The following CSMD1 variants were observed in gnomAD, a reference collection of about 807,000 sequenced individuals.
The protein encoded by CSMD1 is CUB and Sushi multiple domains 1.
A neutral mutation model predicts 417.5 loss-of-function variants in CSMD1; 213 were observed. That is an observed-to-expected ratio of 0.51 (90% confidence interval 0.46 to 0.57). The LOEUF is 0.57. CSMD1 is among the 20% of genes least tolerant of loss of function. The pLI is 0.00. For synonymous variants in CSMD1, 2,862 were observed against 1,736.8 expected (o/e 1.65, Z -16.11); for missense variants, 6,923 against 4,529.7 (o/e 1.53, Z -15.17).
At chr8:4,445,911 G>C (rs1433333543) in intron 2 of CSMD1, among the ~76,000 whole-genome samples, 3 of 152,186 alleles carry the variant, frequency 2.0e-5, no homozygotes, top group African/African-American at 7.2e-5. Context: ...GCAGGGACGT[G>C]ACCTGGGCCT....
chr8:4,600,313 G>T (rs1005176861), intron 2 of CSMD1, among the ~76,000 whole-genome samples: 6 of 152,280 alleles, frequency 3.9e-5, no homozygotes, highest in African/African-American at 1.4e-4. Context: ...CAAATATAGA[G>T]ATGGGTAGAA....
At chr8:4,896,214 G>A (rs532230314) in intron 1 of CSMD1, among the ~76,000 whole-genome samples, 4 of 151,966 alleles carry the variant, frequency 2.6e-5, no homozygotes, top group African/African-American at 9.7e-5. Context: ...TGTCTTGTCA[G>A]TCTGGTTCTT....
At chr8:4,872,472 C>A (rs943791424) in intron 1 of CSMD1, among the ~76,000 whole-genome samples, 1 of 152,050 alleles carries the variant, frequency 6.6e-6, no homozygotes, top group South Asian at 2.1e-4. Flanking sequence ...TCACTCAGCA[C>A]TCCTTCCTGC....
intron 3 of CSMD1, among the ~76,000 whole-genome samples, chr8:4,042,814 T>TAAAAAAAAAAAA (rs1563355345): frequency 2.4e-4 from 5 of 21,016 alleles, no homozygotes; most frequent in African/African-American, 1.2e-3. Context: ...GTACAACATA[T>TAAAAAAAAAAAA]TAAAAAAAAA....
At chr8:3,240,272 G>A (rs565734329) in intron 26 of CSMD1, among the ~76,000 whole-genome samples, 1 of 152,264 alleles carries the variant, frequency 6.6e-6, no homozygotes, top group East Asian at 1.9e-4. Context: ...AGTCTCTAAA[G>A]CTGTCTTCAA....
intron 7 of CSMD1, among the ~76,000 whole-genome samples, chr8:3,634,460 G>A (rs749991125): frequency 6.6e-6 from 1 of 152,120 alleles, no homozygotes; most frequent in Non-Finnish European, 1.5e-5. Context: ...TAATGCTGTC[G>A]GCACAACTCT....
intron 10 of CSMD1, among the ~76,000 whole-genome samples, chr8:3,544,025 C>G (rs1002144625): frequency 5.3e-5 from 8 of 152,122 alleles, no homozygotes; most frequent in African/African-American, 1.7e-4. Context: ...GGTAATAAAA[C>G]AGTCTTCCAC....
At chr8:4,546,968 G>A (rs1156443103) in intron 2 of CSMD1, among the ~76,000 whole-genome samples, 1 of 152,062 alleles carries the variant, frequency 6.6e-6, no homozygotes. Flanking sequence ...TCACGTACAT[G>A]AAGTAGGCAT....
intron 3 of CSMD1, among the ~76,000 whole-genome samples, chr8:4,361,514 C>A (rs758112553): frequency 6.6e-6 from 1 of 152,122 alleles, no homozygotes; most frequent in Non-Finnish European, 1.5e-5. Flanking sequence ...CGGAGGCCTG[C>A]AAGATCAGGT....
intron 5 of CSMD1, among the ~76,000 whole-genome samples, chr8:3,964,545 GAAAT>G (rs2130012508): frequency 6.6e-6 from 1 of 152,232 alleles, no homozygotes; most frequent in East Asian, 1.9e-4. Context: ...GCACCACCAG[GAAAT>G]AAATACACTG....
intron 5 of CSMD1, among the ~76,000 whole-genome samples, chr8:3,844,412 A>G (rs1040370287): frequency 2.0e-5 from 3 of 152,204 alleles, no homozygotes; most frequent in Non-Finnish European, 4.4e-5. Flanking sequence ...TTGACAAAGA[A>G]TAATTCTAGA....
chr8:4,185,294 CTTTT>C (rs772383805), intron 3 of CSMD1, among the ~76,000 whole-genome samples: 7 of 151,960 alleles, frequency 4.6e-5, no homozygotes, highest in Non-Finnish European at 4.4e-5. Flanking sequence ...ATTGTTTAAT[CTTTT>C]TGTTTTAGGG....
At chr8:3,658,502 G>T (rs1012413299) in intron 7 of CSMD1, among the ~76,000 whole-genome samples, 2 of 145,458 alleles carry the variant, frequency 1.4e-5, no homozygotes, top group African/African-American at 5.0e-5. Context: ...GCTTTCCTTG[G>T]TCGGGCTTGG....
chr8:3,995,553 T>C (rs772297386), intron 5 of CSMD1, among the ~76,000 whole-genome samples: 9 of 152,270 alleles, frequency 5.9e-5, no homozygotes, highest in Non-Finnish European at 7.4e-5. Context: ...GGGCTATACA[T>C]AGAGAGAAGA....
chr8:4,386,819 T>A (rs1419496239), intron 3 of CSMD1, among the ~76,000 whole-genome samples: 6 of 152,176 alleles, frequency 3.9e-5, no homozygotes, highest in African/African-American at 1.4e-4. Flanking sequence ...GCTCTTGGGA[T>A]TAATGTAAAG....
At chr8:3,376,619 A>C (rs1204696549) in intron 18 of CSMD1, among the ~76,000 whole-genome samples, 1 of 152,050 alleles carries the variant, frequency 6.6e-6, no homozygotes, top group Non-Finnish European at 1.5e-5. Context: ...AAAATTTCAA[A>C]GTTTTCTTTG....
rs538795211 is a variant in CSMD1, at chr8:4,768,999, G to C, written c.86-131441C>G. Among the ~76,000 whole-genome samples, 6 of 152,208 alleles carry C rather than the reference G, an allele frequency of 3.9e-5. No homozygotes were observed. The East Asian group carries it at 9.7e-4, about 25-fold the overall frequency. On this transcript the variant is annotated intron_variant, in intron 1 of 69. Coordinates refer to ENST00000635120, the MANE Select transcript of CSMD1 (RefSeq NM_033225.6). ...AAACTGTTATTTCATGTGAAGAAGA[G>C]ACCAATATACCTGACTGTAAGGTAC...
At chr8:4,985,415 C>T (rs1563934051) in intron 1 of CSMD1, among the ~76,000 whole-genome samples, 1 of 151,908 alleles carries the variant, frequency 6.6e-6, no homozygotes. Context: ...TAGGAAGGGC[C>T]CATGCGTTAC....
chr8:3,793,262 G>A (rs191294509), intron 5 of CSMD1, among the ~76,000 whole-genome samples: 1 of 152,130 alleles, frequency 6.6e-6, no homozygotes, highest in African/African-American at 2.4e-5. Context: ...AATCTCAAGC[G>A]ACTGCAGCAG....
Sources: allele counts gnomAD v4.1 joint callset (sites outside exome capture counted in the v4.1 genomes callset), GRCh38; gene constraint gnomAD v4.1.1; transcripts MANE v1.5; gene names NCBI Gene and HGNC (gene_info 2026-07-23, HGNC 2026-07-21).